FRZB: variants seen among roughly 807,000 people sequenced by gnomAD.
The protein encoded by FRZB is secreted frizzled-related protein 3.
In FRZB, 34 loss-of-function variants were observed where a neutral mutation model predicts 32.5. That is an observed-to-expected ratio of 1.05 (90% confidence interval 0.80 to 1.39). FRZB has a LOEUF of 1.39. Among genes scored for constraint, FRZB ranks in the 40% most tolerant of loss-of-function variants. The pLI is 0.00. For missense variants in FRZB, 423 were observed against 424.8 expected (o/e 1.00, Z 0.04); for synonymous variants, 170 against 159.2 (o/e 1.07, Z -0.51).
At chr2:182,855,801 CTAAACAGGG>C (rs1345724546) in intron 2 of FRZB, among the ~76,000 whole-genome samples, 5 of 152,102 alleles carry the variant, frequency 3.3e-5, no homozygotes, top group African/African-American at 1.2e-4. Flanking sequence ...TCAGATAACC[CTAAACAGGG>C]TAAACTCAAA....
rs1158409761 is a variant in FRZB, at chr2:182,837,959, T to C, written c.850A>G (p.Lys284Glu). The C allele has an allele frequency of 1.2e-6, 2 of 1,611,962 alleles. No homozygotes were observed. The highest frequency in any genetic ancestry group is 1.7e-6 in the Non-Finnish European group (2 of 1,178,634). The change falls in exon 5 of 6, where the codon AAA becomes GAA. Residue 284 changes from lysine (K) to glutamate (E), a missense_variant. Transcript: ENST00000295113. The stretch of plus-strand genomic sequence containing the variant: ...AAATACAGGCTTACCTTAACTTTTT[T>C]ACCGAGTCGATCCTTCCACTTCTCA... ...IAEKWKDRLGKKVKRWDMKLR... is the reference protein window; with the variant it reads ...IAEKWKDRLGEKVKRWDMKLR...
chr2:182,851,949 T>A (rs1695714724), intron 2 of FRZB, among the ~76,000 whole-genome samples: 1 of 152,052 alleles, frequency 6.6e-6, no homozygotes, highest in Non-Finnish European at 1.5e-5. Flanking sequence ...GGGTAATAGC[T>A]CAAGGAGAGA....
In FRZB at chr2:182,837,945, T is replaced by C. The variant is rs1051249650; in HGVS notation, c.861+3A>G. ...TTACTTCAAACATAAAATACAGGCT[T>C]ACCTTAACTTTTTTACCGAGTCGAT... On this transcript the variant is annotated splice_donor_region_variant and intron_variant, in intron 5 of 5. Coordinates refer to ENST00000295113, the MANE Select transcript of FRZB (RefSeq NM_001463.4). 4 of 1,609,474 alleles carry C rather than the reference T, an allele frequency of 2.5e-6. No individual in the cohort carries two copies. In the African/African-American group the frequency reaches 5.4e-5, roughly 22 times the overall value.
chr2:182,854,764 C>T (rs770433414), intron 2 of FRZB, among the ~76,000 whole-genome samples: 69 of 152,324 alleles, frequency 4.5e-4, no homozygotes, highest in Non-Finnish European at 9.1e-4. Flanking sequence ...TTTCTCTGTC[C>T]TCCCACCACT....
intron 2 of FRZB, among the ~76,000 whole-genome samples, chr2:182,847,985 A>C (rs975060347): frequency 1.2e-4 from 18 of 152,124 alleles, no homozygotes; most frequent in South Asian, 4.2e-4. Flanking sequence ...GTATTGCAGT[A>C]GACCATGATA....
chr2:182,836,545 A>G (rs1381187980), intron 5 of FRZB, among the ~76,000 whole-genome samples: 1 of 152,082 alleles, frequency 6.6e-6, no homozygotes, highest in African/African-American at 2.4e-5. Context: ...AAGCAATGGG[A>G]AACAGGACAA....
chr2:182,866,234 G>T lies in FRZB; in HGVS notation c.319C>A (p.Pro107Thr). 6.2e-7 allele frequency: 1 copy of T among 1,614,226 alleles called. No individual in the cohort carries two copies. Among genetic ancestry groups the T allele is most frequent in the Non-Finnish European group, 8.5e-7 (1 of 1,180,046 alleles). ...GCCCGCTCGCACACAGACTTACAGG[G>T]CTTGATGGGCTCGTGCTGGAAGTCA... The part of the protein sequence containing the change: ...TIDFQHEPIK[P>T]CKSVCERARQ... Residue 107 changes from proline to threonine, a missense_variant, in exon 1 of 6, where the codon CCC (proline) becomes ACC (threonine). Physicochemically the swap from Pro to Thr is conservative, Grantham distance 38. Coordinates refer to ENST00000295113, the MANE Select transcript of FRZB (RefSeq NM_001463.4). The surrounding 1 kb of genome is among the most constrained non-coding windows in gnomAD (Gnocchi z 4.5).
rs527753760 is a variant in FRZB, at chr2:182,835,539, A to T, written c.862-574T>A. On this transcript the variant is annotated intron_variant, in intron 5 of 5. Coordinates refer to ENST00000295113, the MANE Select transcript of FRZB (RefSeq NM_001463.4). ...CCTGCCCTCGTTCTAAGTGTTACAA[A>T]GCAGGTATTAGCAATGTTTTTAATA... Among the ~76,000 whole-genome samples the T allele has an allele frequency of 7.2e-4, 109 of 151,212 alleles. 1 individual carries two copies. Among genetic ancestry groups the T allele is most frequent in the African/African-American group, 2.1e-3 (86 of 41,524 alleles).
intron 3 of FRZB, among the ~76,000 whole-genome samples, chr2:182,839,409 T>A (rs288327): frequency 0.28 from 42,915 of 151,904 alleles, 6,454 homozygotes; most frequent in East Asian, 0.45. Flanking sequence ...CTCCATCTGC[T>A]TTGAAGTCAG....
intron 3 of FRZB, among the ~76,000 whole-genome samples, chr2:182,839,427 A>G (rs1033467319): frequency 6.6e-6 from 1 of 152,030 alleles, no homozygotes; most frequent in Non-Finnish European, 1.5e-5. Flanking sequence ...CAGACACTCC[A>G]ACATTCCTTT....
At chr2:182,835,702 C>T (rs773555529) in intron 5 of FRZB, among the ~76,000 whole-genome samples, 8 of 152,036 alleles carry the variant, frequency 5.3e-5, no homozygotes, top group East Asian at 1.9e-4. Context: ...ACTTCAAACA[C>T]GGATATCATA....
At chr2:182,859,105 CA>C (rs1695802590) in intron 1 of FRZB, among the ~76,000 whole-genome samples, 2 of 151,546 alleles carry the variant, frequency 1.3e-5, no homozygotes, top group Non-Finnish European at 2.9e-5. Context: ...TTGAATTTCA[CA>C]AAATTTGTAA....
At position 182,854,261 on chromosome 2, in the gene FRZB, T is replaced by A. The variant is rs1695742049; in HGVS notation, c.526+4525A>T. Among the ~76,000 whole-genome samples the A allele has an allele frequency of 2.0e-5, 3 of 152,290 alleles. No individual in the cohort carries two copies. The South Asian group carries it at 6.2e-4, about 32-fold the overall frequency. ...TGATTTGTGCACTTTTCTGCATGCA[T>A]GTTATACTTTAATGGTTTATTTTAT... On this transcript the variant is annotated intron_variant, in intron 2 of 5. Transcript: ENST00000295113.
In FRZB at chr2:182,834,899, G is replaced by C; in HGVS notation, c.928C>G (p.Gln310Glu). The C allele has an allele frequency of 6.2e-7, 1 of 1,613,514 alleles. No homozygotes were observed. Among genetic ancestry groups the C allele is most frequent in the Non-Finnish European group, 8.5e-7 (1 of 1,179,644 alleles). ...KSDSSNSDST[Q>E]SQKSGRNSNP... Reference sequence around the variant, plus strand: ...GAGTTCCTGCCAGACTTCTGACTCTGAGTGGAATCACTATTGCTAGAATCA... The same window carrying C: ...GAGTTCCTGCCAGACTTCTGACTCTCAGTGGAATCACTATTGCTAGAATCA... The change falls in exon 6 of 6, where the codon CAG (glutamine) becomes GAG (glutamate). Residue 310 changes from glutamine to glutamate, a missense_variant. Gln to Glu is a conservative substitution (Grantham distance 29). Transcript: ENST00000295113.
At position 182,834,936 on chromosome 2, in the gene FRZB, T is replaced by C; in HGVS notation, c.891A>G (p.Gly297=). ...TATTGCTAGAATCACTTTTACTGAGTCCAAGATGACGAAGCTTCATATCCC... is the reference window on the plus strand; with the variant it reads ...TATTGCTAGAATCACTTTTACTGAGCCCAAGATGACGAAGCTTCATATCCC... ...KRWDMKLRHL[G]LSKSDSSNSD... The change falls in exon 6 of 6, where the codon GGA becomes GGG. Residue 297 remains glycine (G), a synonymous_variant. Transcript: ENST00000295113. 3 of 1,613,200 alleles carry C rather than the reference T, an allele frequency of 1.9e-6. No individual in the cohort carries two copies. The highest frequency in any genetic ancestry group is 1.7e-6 in the Non-Finnish European group (2 of 1,179,438).
chr2:182,847,289 G>A (rs189837474), intron 2 of FRZB, among the ~76,000 whole-genome samples: 1 of 152,264 alleles, frequency 6.6e-6, no homozygotes, highest in East Asian at 1.9e-4. Context: ...GTGAGTTGTA[G>A]TTCTCTAGGC....
intron 2 of FRZB, among the ~76,000 whole-genome samples, chr2:182,844,046 A>T (rs1695613792): frequency 6.6e-6 from 1 of 152,212 alleles, no homozygotes; most frequent in South Asian, 2.1e-4. Context: ...GAACTTGTCA[A>T]TAATACACTT....
chr2:182,865,231 G>A (rs893252821), intron 1 of FRZB, among the ~76,000 whole-genome samples: 2 of 151,448 alleles, frequency 1.3e-5, no homozygotes, highest in East Asian at 3.9e-4. Flanking sequence ...GGAATAAGGG[G>A]TGAGATTTAA....
rs554432959 is a variant in FRZB, at chr2:182,834,225, T to C, written c.*624A>G. The stretch of plus-strand genomic sequence containing the variant: ...TCAGGCAAAATGTTCTTTCTTAAGC[T>C]CCTATTTATTTTACTTCCTGACAGT... On this transcript the variant is annotated 3_prime_UTR_variant, in exon 6 of 6. Transcript: ENST00000295113. 6.6e-6 allele frequency: 1 copy of C among 152,314 alleles called. No homozygotes were observed. Among genetic ancestry groups the C allele is most frequent in the Non-Finnish European group, 1.5e-5 (1 of 68,136 alleles). The allele number at this position is 152,314 out of a possible 1,614,324, so 9.4% of individuals were successfully genotyped here.
Sources: gnomAD v4.1 joint callset for allele counts (sites outside exome capture counted in the v4.1 genomes callset) on GRCh38, gnomAD v4.1.1 for gene constraint, Gnocchi (gnomAD v3.1) non-coding constraint, MANE v1.5 for transcripts, NCBI Gene and HGNC (gene_info 2026-07-23, HGNC 2026-07-21) for gene names.